Variants in DIS3L2 observed in about 807,000 individuals in gnomAD.
DIS3L2 encodes the protein DIS3 like 3'-5' exoribonuclease 2, also known as DIS3-like exonuclease 2.
A neutral mutation model predicts 97.5 loss-of-function variants in DIS3L2; 34 were observed. The ratio of observed to expected loss-of-function variants is 0.35; its 90% CI spans 0.27 to 0.46. The LOEUF (loss-of-function observed/expected upper bound fraction) is 0.46, where lower values mean the gene tolerates loss of function less well. Ranked by LOEUF, DIS3L2 falls within the 20% of genes least tolerant of loss-of-function variation. The probability of loss-of-function intolerance (pLI) is 1.00; values close to 1 mark genes in which losing one functional copy is unlikely to be tolerated. For missense variants in DIS3L2, 1,038 were observed against 1,146.0 expected (o/e 0.91, Z 1.36); for synonymous variants, 435 against 445.2 (o/e 0.98, Z 0.29).
intron 6 of DIS3L2, among the ~76,000 whole-genome samples, chr2:232,100,440 C>A (rs191123579): frequency 6.6e-6 from 1 of 151,676 alleles, no homozygotes. Context: ...TTGCCCTTTC[C>A]CCAAATTCTT....
At chr2:232,270,860 GTCTCTCTCTCTCTCTCTCTC>G (rs71056262) in intron 13 of DIS3L2, among the ~76,000 whole-genome samples, 3,072 of 103,866 alleles carry the variant, frequency 0.03, 126 homozygotes, top group African/African-American at 0.092. Flanking sequence ...TCTTTTTCTC[GTCTCTCTCTCTCTCTCTCTC>G]TCTCTCTCTC....
At chr2:232,139,368 G>A (rs1056864165) in intron 8 of DIS3L2, among the ~76,000 whole-genome samples, 3 of 152,290 alleles carry the variant, frequency 2.0e-5, no homozygotes, top group African/African-American at 7.2e-5. Context: ...GCCCCAAAAT[G>A]GCACTGCCAG....
At chr2:232,049,409 G>A (rs1695339595) in intron 5 of DIS3L2, among the ~76,000 whole-genome samples, 1 of 152,192 alleles carries the variant, frequency 6.6e-6, no homozygotes, top group East Asian at 1.9e-4. Context: ...GAGATGTGGG[G>A]TCTTTTGGGA....
chr2:232,191,938 G>C (rs1048727448), intron 9 of DIS3L2, among the ~76,000 whole-genome samples: 3 of 152,108 alleles, frequency 2.0e-5, no homozygotes, highest in Non-Finnish European at 4.4e-5. Context: ...ATGTCTGTCA[G>C]ACCTGAGACA....
chr2:232,321,290 T>C (rs1263924868), intron 14 of DIS3L2, among the ~76,000 whole-genome samples: 2 of 152,138 alleles, frequency 1.3e-5, no homozygotes, highest in Non-Finnish European at 2.9e-5. Context: ...CCTGGAGACC[T>C]CCTGAGCTTT....
chr2:232,029,147 C>T (rs1352363080), intron 4 of DIS3L2, among the ~76,000 whole-genome samples: 2 of 152,100 alleles, frequency 1.3e-5, no homozygotes, highest in African/African-American at 2.4e-5. Flanking sequence ...GTTCCAGACT[C>T]TTTTGCTGTC....
chr2:232,070,884 G>A (rs1177650306), intron 5 of DIS3L2, among the ~76,000 whole-genome samples: 3 of 152,118 alleles, frequency 2.0e-5, no homozygotes, highest in African/African-American at 7.2e-5. Flanking sequence ...GCCCAGCCAG[G>A]TTATGGTTCT....
intron 1 of DIS3L2, among the ~76,000 whole-genome samples, chr2:231,962,742 C>T (rs1473721751): frequency 1.3e-5 from 2 of 152,040 alleles, no homozygotes; most frequent in Non-Finnish European, 2.9e-5. Flanking sequence ...GCCGACTGTT[C>T]CCATGTTTAT....
At chr2:232,018,850 A>G (rs1694427165) in intron 3 of DIS3L2, among the ~76,000 whole-genome samples, 1 of 152,212 alleles carries the variant, frequency 6.6e-6, no homozygotes, top group African/African-American at 2.4e-5. Flanking sequence ...TAACAGTAAC[A>G]CATGGTCATG....
Position 232,289,785 on chromosome 2 carries a change from C to T in DIS3L2, c.1660-10255C>T, listed in dbSNP as rs182181074. 2.0e-5 allele frequency among the ~76,000 whole-genome samples: 3 copies of T among 152,334 alleles called. No individual in the cohort carries two copies. In the East Asian group the frequency reaches 5.8e-4, roughly 29 times the overall value. ...TGTCGCTTGGGCTACTTCTGTTTCC[C>T]TTCCCTTTGCTGAGTGTTTGACCAG... On this transcript the variant is annotated intron_variant, in intron 13 of 20. Coordinates refer to ENST00000325385, the MANE Select transcript of DIS3L2 (RefSeq NM_152383.5).
At chr2:232,122,866 A>T (rs1697949967) in intron 6 of DIS3L2, among the ~76,000 whole-genome samples, 1 of 152,240 alleles carries the variant, frequency 6.6e-6, no homozygotes, top group Non-Finnish European at 1.5e-5. Flanking sequence ...TGGGCAAAGG[A>T]GGAAATTCAG....
chr2:232,213,072 A>G (rs1481930950), intron 10 of DIS3L2, among the ~76,000 whole-genome samples: 1 of 152,228 alleles, frequency 6.6e-6, no homozygotes, highest in East Asian at 1.9e-4. Context: ...CAAGCTAAAT[A>G]GATGCAGTCC....
At chr2:232,045,670 CTTTT>C (rs35019734) in intron 5 of DIS3L2, among the ~76,000 whole-genome samples, 3 of 99,048 alleles carry the variant, frequency 3.0e-5, no homozygotes, top group Non-Finnish European at 3.8e-5. Context: ...AAAGGCCTCA[CTTTT>C]TTTTTTTTTT....
At chr2:232,073,602 G>T (rs1023570602) in intron 5 of DIS3L2, among the ~76,000 whole-genome samples, 1 of 152,134 alleles carries the variant, frequency 6.6e-6, no homozygotes, top group Non-Finnish European at 1.5e-5. Flanking sequence ...TCGAGGAAAG[G>T]TTTTTTCTAT....
In DIS3L2 at chr2:232,292,550, C is replaced by T. The variant is rs115470026; in HGVS notation, c.1660-7490C>T. ...AGGGTCCTAGTCCCTTCAACTCATCCAGGCTCCTAGAGCTCACCCACGCGA... is the reference window on the plus strand; with the variant it reads ...AGGGTCCTAGTCCCTTCAACTCATCTAGGCTCCTAGAGCTCACCCACGCGA... On this transcript the variant is annotated intron_variant, in intron 13 of 20. Transcript: ENST00000325385. This position sits in a 1 kb window ranked among gnomAD's most constrained non-coding sequence, Gnocchi z 4.4. 3.1e-3 allele frequency among the ~76,000 whole-genome samples: 466 copies of T among 152,352 alleles called. 1 individual carries two copies. Among genetic ancestry groups the T allele is most frequent in the African/African-American group, 0.011 (440 of 41,586 alleles).
chr2:232,071,805 C>G (rs1451277478), intron 5 of DIS3L2, among the ~76,000 whole-genome samples: 1 of 152,140 alleles, frequency 6.6e-6, no homozygotes, highest in Admixed American at 6.6e-5. Flanking sequence ...TCCCAAAATG[C>G]TGGGATTATA....
chr2:232,333,759 G>GAC, intron 16 of DIS3L2, 81 bp from the exon 17 acceptor site: 19 of 1,413,146 alleles, frequency 1.3e-5, no homozygotes, highest in Admixed American at 1.3e-4. Flanking sequence ...TGCCGACGGT[G>GAC]AGGCTGTGGG....
chr2:232,041,207 A>G (rs1361891351), intron 5 of DIS3L2, among the ~76,000 whole-genome samples: 1 of 152,194 alleles, frequency 6.6e-6, no homozygotes, highest in Admixed American at 6.5e-5. Context: ...GAGATGACCC[A>G]ACAATAAAAG....
chr2:232,003,099 C>T (rs541679427), intron 1 of DIS3L2, among the ~76,000 whole-genome samples: 13 of 152,248 alleles, frequency 8.5e-5, no homozygotes, highest in South Asian at 2.1e-4. Flanking sequence ...ATTAAAAAGA[C>T]GCTAAATTAT....
Sources: allele counts gnomAD v4.1 joint callset (sites outside exome capture counted in the v4.1 genomes callset), GRCh38; gene constraint gnomAD v4.1.1; non-coding constraint Gnocchi (gnomAD v3.1); transcripts MANE v1.5; gene names NCBI Gene and HGNC (gene_info 2026-07-23, HGNC 2026-07-21).